The following ANKRD44 variants were observed in gnomAD, a reference collection of about 807,000 sequenced individuals.
The protein encoded by ANKRD44 is serine/threonine-protein phosphatase 6 regulatory ankyrin repeat subunit B.
A neutral mutation model predicts 116.0 loss-of-function variants in ANKRD44; 35 were observed. The observed-to-expected ratio is 0.30, with a 90% CI of 0.23 to 0.40. The LOEUF (loss-of-function observed/expected upper bound fraction) is 0.40. Ranked by LOEUF, ANKRD44 falls within the 10% of genes least tolerant of loss-of-function variation. ANKRD44 has a pLI of 1.00. For missense variants in ANKRD44, 1,014 were observed against 1,242.6 expected (o/e 0.82, Z 2.77); for synonymous variants, 435 against 461.8 (o/e 0.94, Z 0.74).
At chr2:197,133,943 CTTTCTTT>C (rs1397397086) in intron 4 of ANKRD44, 2 of 65,006 alleles carry the variant, frequency 3.1e-5, no homozygotes, top group African/African-American at 1.1e-4. Context: ...TTTTCTTTTT[CTTTCTTT>C]TTTTTTTTTT....
chr2:197,089,284 A>C (rs970338919), intron 11 of ANKRD44, among the ~76,000 whole-genome samples: 1 of 152,212 alleles, frequency 6.6e-6, no homozygotes, highest in Non-Finnish European at 1.5e-5. Flanking sequence ...TAAAGGAAAA[A>C]AAAATGCCTC....
rs1242755233 is a variant in ANKRD44 at position 197,077,872 on chromosome 2, T to A, written c.1650+831A>T. On this transcript the variant is annotated intron_variant, in intron 16 of 27. Coordinates refer to ENST00000282272, the MANE Select transcript of ANKRD44 (RefSeq NM_001195144.2). ...CTCTTTGTAAATTACACAGGGCAAATGTTGATCTAATCAAAGGGGGGTAAT... is the reference window on the plus strand; with the variant it reads ...CTCTTTGTAAATTACACAGGGCAAAAGTTGATCTAATCAAAGGGGGGTAAT... 2.6e-5 allele frequency: 4 copies of A among 152,200 alleles called. No homozygotes were observed. The East Asian group carries it at 7.7e-4, about 29-fold the overall frequency. The allele number at this position is 152,200 out of a possible 1,614,324, so 9.4% of individuals were successfully genotyped here. A position where few individuals can be genotyped will look rare whatever the true frequency, so the allele number is the denominator to read the frequency against.
intron 1 of ANKRD44, among the ~76,000 whole-genome samples, chr2:197,199,768 C>T (rs902786041): frequency 2.0e-5 from 3 of 152,104 alleles, no homozygotes; most frequent in Non-Finnish European, 4.4e-5. Flanking sequence ...TTACAATTTG[C>T]AAAAATAATG....
chr2:197,123,748 G>T (rs556994012), intron 6 of ANKRD44, among the ~76,000 whole-genome samples: 1 of 152,328 alleles, frequency 6.6e-6, no homozygotes, highest in East Asian at 1.9e-4. Flanking sequence ...TTGAAGGGTA[G>T]AAGACAAGTA....
chr2:196,967,416 C>G (rs185427671), exon 22 of ANKRD44: 361 of 469,190 alleles, frequency 7.7e-4, no homozygotes, highest in African/African-American at 6.5e-3. Context: ...TGCAGCCAAC[C>G]GATGTTCTTG....
At chr2:197,039,244 C>T (rs2076863045) in intron 16 of ANKRD44, among the ~76,000 whole-genome samples, 1 of 152,122 alleles carries the variant, frequency 6.6e-6, no homozygotes, top group Non-Finnish European at 1.5e-5. Context: ...AGAGAGATAG[C>T]TGGAAAAGGT....
In ANKRD44 at chr2:197,113,579, G is replaced by C. The variant is rs573552977; in HGVS notation, c.907-2735C>G. Among the ~76,000 whole-genome samples, 3 of 152,168 alleles carry C rather than the reference G, an allele frequency of 2.0e-5. No individual in the cohort carries two copies. The South Asian group carries it at 6.2e-4, about 32-fold the overall frequency. ...TAAAAGAGCTTAAAGGCCTTACCAA[G>C]GAGTAACCACCAACTTGGTGGTAGC... On this transcript the variant is annotated intron_variant, in intron 8 of 27. Transcript: ENST00000282272.
At chr2:196,972,171 A>C (rs576861532) in intron 21 of ANKRD44, among the ~76,000 whole-genome samples, 1 of 152,260 alleles carries the variant, frequency 6.6e-6, no homozygotes, top group South Asian at 2.1e-4. Context: ...CTACCTTCCC[A>C]GTGCTACCAT....
intron 2 of ANKRD44, among the ~76,000 whole-genome samples, chr2:197,176,106 G>A (rs1047586164): frequency 1.3e-5 from 2 of 152,152 alleles, no homozygotes; most frequent in African/African-American, 2.4e-5. Flanking sequence ...TGAGCAAGGA[G>A]ATAGAAGCCA....
At chr2:197,136,300 A>G (rs1000779789) in intron 4 of ANKRD44, 11 of 390,968 alleles carry the variant, frequency 2.8e-5, no homozygotes, top group Non-Finnish European at 4.2e-5. Flanking sequence ...CCGCAAGTCA[A>G]TGATGATATT....
intron 1 of ANKRD44, among the ~76,000 whole-genome samples, chr2:197,200,161 C>A (rs1247140111): frequency 6.6e-6 from 1 of 152,164 alleles, no homozygotes; most frequent in African/African-American, 2.4e-5. Flanking sequence ...CTACAGACCT[C>A]ATGCAAATGG....
intron 2 of ANKRD44, among the ~76,000 whole-genome samples, chr2:197,161,062 T>A (rs2079948096): frequency 6.6e-6 from 1 of 152,168 alleles, no homozygotes; most frequent in African/African-American, 2.4e-5. Flanking sequence ...CTATGCCCTT[T>A]CTAAATTGAG....
At chr2:197,214,934 G>GT (rs892738784) in intron 1 of ANKRD44, among the ~76,000 whole-genome samples, 1 of 152,152 alleles carries the variant, frequency 6.6e-6, no homozygotes, top group African/African-American at 2.4e-5. Flanking sequence ...CTAGAATGCA[G>GT]TGGCACAATT....
intron 16 of ANKRD44, among the ~76,000 whole-genome samples, chr2:197,063,992 A>C (rs1355033833): frequency 6.6e-6 from 1 of 152,200 alleles, no homozygotes; most frequent in Non-Finnish European, 1.5e-5. Flanking sequence ...TCCAAGACAC[A>C]TAATTGTCAG....
At chr2:197,062,359 G>A (rs888824833) in intron 16 of ANKRD44, among the ~76,000 whole-genome samples, 75 of 152,292 alleles carry the variant, frequency 4.9e-4, no homozygotes, top group African/African-American at 1.6e-3. Context: ...GAATAAGAGA[G>A]GATACATGAG....
intron 16 of ANKRD44, among the ~76,000 whole-genome samples, chr2:197,075,470 A>C (rs1184268101): frequency 6.6e-6 from 1 of 152,164 alleles, no homozygotes; most frequent in East Asian, 1.9e-4. Context: ...GCCCAATTGA[A>C]TATGACTGAT....
At chr2:197,090,494 C>CTT (rs372830692) in intron 10 of ANKRD44, among the ~76,000 whole-genome samples, 2,193 of 138,136 alleles carry the variant, frequency 0.016, 24 homozygotes, top group African/African-American at 0.023. Flanking sequence ...TTTCTTTTCA[C>CTT]TTTTTTTTTT....
chr2:197,070,866 G>C (rs1289387873), intron 16 of ANKRD44, among the ~76,000 whole-genome samples: 1 of 152,014 alleles, frequency 6.6e-6, no homozygotes, highest in African/African-American at 2.4e-5. Context: ...ATCCATGCCT[G>C]GAAATTTCTT....
chr2:197,082,838 C>T (rs141211126), intron 14 of ANKRD44, among the ~76,000 whole-genome samples: 2 of 152,298 alleles, frequency 1.3e-5, no homozygotes, highest in African/African-American at 4.8e-5. Context: ...TTTCTGTTTT[C>T]TATTCCTACG....
Sources: gnomAD v4.1 joint callset for allele counts (sites outside exome capture counted in the v4.1 genomes callset) on GRCh38, gnomAD v4.1.1 for gene constraint, MANE v1.5 for transcripts, NCBI Gene and HGNC (gene_info 2026-07-23, HGNC 2026-07-21) for gene names.